The following GCA variants were observed in gnomAD, a reference collection of about 807,000 sequenced individuals.
GCA encodes the protein grancalcin.
In GCA, 30 loss-of-function variants were observed where a neutral mutation model predicts 32.6. The observed-to-expected ratio is 0.92, with a 90% CI of 0.69 to 1.25. The LOEUF is 1.25. GCA is among the 50% of genes most tolerant of loss of function. The probability of loss-of-function intolerance (pLI) is 0.00; values close to 1 mark genes in which losing one functional copy is unlikely to be tolerated. For missense variants in GCA, 291 were observed against 266.8 expected (o/e 1.09, Z -0.63); for synonymous variants, 102 against 84.6 (o/e 1.21, Z -1.13).
Position 162,345,172 on chromosome 2 carries a change from A to C in GCA, c.27+897A>C, listed in dbSNP as rs139270027. Among the ~76,000 whole-genome samples, 524 of 147,070 alleles carry C rather than the reference A, an allele frequency of 3.6e-3. 6 individuals carry two copies. The highest frequency in any genetic ancestry group is 0.013 in the African/African-American group (510 of 39,854). On this transcript the variant is annotated intron_variant, in intron 1 of 7. Coordinates refer to ENST00000437150, the MANE Select transcript of GCA (RefSeq NM_012198.5). ...GTTGTTGTTGTTGTTTTAGGATATG[A>C]ATTTCCAGGTCCTCAACTTCCACAC...
chr2:162,369,732 T>C (rs939375433), intron 4 of GCA, among the ~76,000 whole-genome samples: 3 of 152,070 alleles, frequency 2.0e-5, no homozygotes, highest in Non-Finnish European at 4.4e-5. Context: ...CTTATGAAAT[T>C]TGTTGCAGCT....
chr2:162,357,366 T>C (rs1057369524), intron 5 of GCA, among the ~76,000 whole-genome samples: 6 of 151,808 alleles, frequency 4.0e-5, no homozygotes, highest in Admixed American at 3.9e-4. Context: ...GGTTGCATTT[T>C]AGAGTAATTT....
chr2:162,335,307 G>A (rs552036508), intron 1 of GCA, among the ~76,000 whole-genome samples: 2 of 151,816 alleles, frequency 1.3e-5, no homozygotes, highest in Non-Finnish European at 2.9e-5. Context: ...CCCAGCTACT[G>A]GGGAGGCTGA....
chr2:162,354,017 G>A (rs954502060), intron 3 of GCA, among the ~76,000 whole-genome samples: 3 of 151,926 alleles, frequency 2.0e-5, no homozygotes, highest in African/African-American at 4.8e-5. Flanking sequence ...TTTCATGAAT[G>A]TGATATTGTC....
intron 3 of GCA, among the ~76,000 whole-genome samples, 169 bp from the exon 4 acceptor site, chr2:162,356,269 A>AT (rs1275620865): frequency 6.6e-6 from 1 of 151,860 alleles, no homozygotes; most frequent in Non-Finnish European, 1.5e-5. Context: ...GAAGGCAGTA[A>AT]TTTTTTTTAA....
chr2:162,352,309 T>G, intron 2 of GCA, 29 bp from the exon 3 acceptor site: 1 of 1,348,806 alleles, frequency 7.4e-7, no homozygotes, highest in Non-Finnish European at 1.1e-6. Context: ...AACTGCACAT[T>G]AAATTAGGTC....
At chr2:162,342,998 C>G (rs1156854998), upstream of GCA, among the ~76,000 whole-genome samples, 2 of 152,208 alleles carry the variant, frequency 1.3e-5, no homozygotes, top group Admixed American at 1.3e-4. Context: ...CCAAGAGTAG[C>G]TAGGACATCG....
chr2:162,356,274 T>C (rs186313018), intron 3 of GCA, among the ~76,000 whole-genome samples, 164 bp from the exon 4 acceptor site: 1 of 152,226 alleles, frequency 6.6e-6, no homozygotes, highest in Non-Finnish European at 1.5e-5. Context: ...CAGTAATTTT[T>C]TTTAAACAAT....
chr2:162,371,032 A>G (rs1448323239), intron 4 of GCA, among the ~76,000 whole-genome samples: 1 of 152,102 alleles, frequency 6.6e-6, no homozygotes, highest in Admixed American at 6.6e-5. Flanking sequence ...AGCTGTGGAT[A>G]TCAGTTTGTG....
intron 1 of GCA, among the ~76,000 whole-genome samples, chr2:162,333,844 A>G (rs555242690): frequency 1.3e-5 from 2 of 152,324 alleles, no homozygotes; most frequent in East Asian, 1.9e-4. Context: ...ATTACCAATT[A>G]AGCATAATGT....
intron 1 of GCA, among the ~76,000 whole-genome samples, chr2:162,333,394 C>T (rs1439638047): frequency 1.3e-5 from 2 of 151,804 alleles, no homozygotes; most frequent in East Asian, 3.9e-4. Flanking sequence ...CTTTTTTTCC[C>T]TCTGAATTCC....
In GCA at chr2:162,323,228, G is replaced by C. The variant is rs544759138; in HGVS notation, c.-31+4003G>C. On this transcript the variant is annotated intron_variant, in intron 1 of 4. Transcript: ENST00000429691. ...CTTCTTTTGACAAGTGTCTGTTCAT[G>C]TCCTTCACCCACTTTTTGATGGGGT... 1.4e-4 allele frequency among the ~76,000 whole-genome samples: 22 copies of C among 151,934 alleles called. 1 individual carries two copies. In the South Asian group the frequency reaches 3.5e-3, roughly 24 times the overall value.
At chr2:162,319,077 G>C in exon 1 of GCA, 2 of 447,944 alleles carry the variant, frequency 4.5e-6, no homozygotes, top group Non-Finnish European at 9.1e-6. Flanking sequence ...CCTGGCTGAG[G>C]GTGGTGAGAC....
intron 3 of GCA, among the ~76,000 whole-genome samples, chr2:162,353,898 AT>A (rs958577834): frequency 1.9e-4 from 28 of 147,136 alleles, no homozygotes; most frequent in African/African-American, 5.5e-4. Context: ...TCCTCCTATC[AT>A]TTTTTTTTGC....
intron 1 of GCA, among the ~76,000 whole-genome samples, chr2:162,336,287 T>C (rs1208904761): frequency 1.3e-5 from 2 of 152,220 alleles, no homozygotes; most frequent in South Asian, 4.1e-4. Context: ...TCTAAACATG[T>C]ATTTATTGAT....
Position 162,349,759 on chromosome 2 carries a change from G to A in GCA, c.192+2017G>A, listed in dbSNP as rs115361818. Among the ~76,000 whole-genome samples the A allele has an allele frequency of 7.3e-3, 1,106 of 152,190 alleles. 14 individuals are homozygous for A. Among genetic ancestry groups the A allele is most frequent in the African/African-American group, 0.026 (1,060 of 41,530 alleles). On this transcript the variant is annotated intron_variant, in intron 2 of 7. Coordinates refer to ENST00000437150, the MANE Select transcript of GCA (RefSeq NM_012198.5). ...CGATGATAAAACAGATTAGGAAAAG[G>A]CAAAGAAACTGGCAGAATGGATGTT...
intron 1 of GCA, among the ~76,000 whole-genome samples, chr2:162,337,410 C>T (rs920900521): frequency 1.3e-5 from 2 of 152,284 alleles, no homozygotes; most frequent in Admixed American, 6.5e-5. Flanking sequence ...TGCACTGGGA[C>T]GCTGTATCAG....
At chr2:162,339,442 A>C (rs904212992), upstream of GCA, among the ~76,000 whole-genome samples, 1 of 152,206 alleles carries the variant, frequency 6.6e-6, no homozygotes, top group Non-Finnish European at 1.5e-5. Context: ...GGGTAGATCA[A>C]TGTGACAGAA....
intron 1 of GCA, among the ~76,000 whole-genome samples, chr2:162,332,134 C>G (rs1051965887): frequency 5.3e-5 from 8 of 151,460 alleles, no homozygotes; most frequent in African/African-American, 1.9e-4. Flanking sequence ...ATGGTGAAAC[C>G]CTGTCTCTAC....
Sources: gnomAD v4.1 joint callset for allele counts (sites outside exome capture counted in the v4.1 genomes callset) on GRCh38, gnomAD v4.1.1 for gene constraint, MANE v1.5 for transcripts, NCBI Gene and HGNC (gene_info 2026-07-23, HGNC 2026-07-21) for gene names.